Variants in THTPA observed in about 807,000 individuals in gnomAD.
THTPA encodes the protein thiamine-triphosphatase.
In THTPA, 16 loss-of-function variants were observed where a neutral mutation model predicts 16.5. That is an observed-to-expected ratio of 0.97 (90% CI 0.66 to 1.47). The LOEUF is 1.47. Among genes scored for constraint, THTPA ranks in the 40% most tolerant of loss-of-function variants. The pLI, the probability that THTPA is intolerant of heterozygous loss-of-function variation, is 0.00. For missense variants in THTPA, 281 were observed against 280.9 expected (o/e 1.00, Z 0.00); for synonymous variants, 110 against 115.5 (o/e 0.95, Z 0.30).
At chr14:23,530,361 GAAGA>G in the THTPA span, 1 of 703,598 alleles carries the variant, frequency 1.4e-6, no homozygotes, top group Non-Finnish European at 2.6e-6. Context: ...CACCCACACA[GAAGA>G]TAGAGGGAAA....
chr14:23,522,677 G>C, the THTPA span: 1 of 1,536,568 alleles, frequency 6.5e-7, no homozygotes. Flanking sequence ...TGGGACAGTG[G>C]TCTTCAATGC....
the THTPA span, chr14:23,532,847 C>T: frequency 1.3e-6 from 2 of 1,536,244 alleles, no homozygotes; most frequent in African/African-American, 2.7e-5. Context: ...GCAAAGCTTG[C>T]AGCGGTGGGT....
the THTPA span, among the ~76,000 whole-genome samples, chr14:23,535,844 G>A: frequency 6.0e-3 from 914 of 152,126 alleles, 7 homozygotes; most frequent in African/African-American, 0.021. This position sits in a 1 kb window ranked among gnomAD's most constrained non-coding sequence, Gnocchi z 4.5. Context: ...CGCCCACCTC[G>A]GCCTCCCAAA....
chr14:23,556,441 A>T lies in THTPA; in HGVS notation c.-317A>T. Reference sequence around the variant, plus strand: ...CCTCCTGGGGTGGCAAGGTGTAGAGAGGGGGGCGTTGAAAGGACACCCGCT... The same window carrying T: ...CCTCCTGGGGTGGCAAGGTGTAGAGTGGGGGGCGTTGAAAGGACACCCGCT... On this transcript the variant is annotated 5_prime_UTR_variant, in exon 1 of 2. Transcript: ENST00000288014. 1 of 310,500 alleles carries T rather than the reference A, an allele frequency of 3.2e-6. No individual in the cohort carries two copies. The allele number at this position is 310,500 out of a possible 1,614,324, so 19.2% of individuals were successfully genotyped here. A position where few individuals can be genotyped will look rare whatever the true frequency, so the allele number is the denominator to read the frequency against.
chr14:23,546,119 GCA>G, the THTPA span, among the ~76,000 whole-genome samples: 26 of 152,320 alleles, frequency 1.7e-4, no homozygotes, highest in African/African-American at 6.0e-4. This position sits in a 1 kb window ranked among gnomAD's most constrained non-coding sequence, Gnocchi z 4.7. Context: ...CACTGACTTT[GCA>G]CATCAACGTG....
chr14:23,524,867 C>G, the THTPA span: 1 of 1,536,634 alleles, frequency 6.5e-7, no homozygotes, highest in Non-Finnish European at 8.7e-7. The surrounding 1 kb of genome is among the most constrained non-coding windows in gnomAD (Gnocchi z 5.6). Context: ...GTCATCATAG[C>G]ACTTCTTGAG....
upstream of THTPA, among the ~76,000 whole-genome samples, chr14:23,553,290 A>C (rs779374537): frequency 2.0e-5 from 3 of 152,214 alleles, no homozygotes; most frequent in Non-Finnish European, 4.4e-5. Context: ...GAGGCAGGCC[A>C]CATTTTCTCA....
chr14:23,532,635 T>G, the THTPA span: 7 of 1,468,718 alleles, frequency 4.8e-6, no homozygotes, highest in Non-Finnish European at 6.3e-6. Context: ...TCCTTGCTGT[T>G]GGACTCAAAG....
chr14:23,522,909 C>G, the THTPA span: 1 of 1,462,882 alleles, frequency 6.8e-7, no homozygotes, highest in Non-Finnish European at 9.0e-7. Context: ...ACCGAAGTGG[C>G]GAGGCCGAGG....
chr14:23,534,621 G>A, the THTPA span: 4 of 1,536,040 alleles, frequency 2.6e-6, no homozygotes, highest in Non-Finnish European at 2.6e-6. This position sits in a 1 kb window ranked among gnomAD's most constrained non-coding sequence, Gnocchi z 4.5. Flanking sequence ...AGAGCCAGAA[G>A]ACCGCCACGT....
At chr14:23,526,962 T>A in the THTPA span, 1 of 1,520,876 alleles carries the variant, frequency 6.6e-7, no homozygotes, top group African/African-American at 1.4e-5. Context: ...ATGTCATTTC[T>A]ACAGTTGTAG....
the THTPA span, chr14:23,530,429 TTCCTG>T: frequency 2.9e-6 from 2 of 680,128 alleles, no homozygotes; most frequent in East Asian, 5.7e-5. Context: ...AAGAGTCCAG[TTCCTG>T]TCCTTTTATA....
At chr14:23,552,151 T>C (rs981643333), upstream of THTPA, among the ~76,000 whole-genome samples, 2 of 152,094 alleles carry the variant, frequency 1.3e-5, no homozygotes, top group African/African-American at 4.8e-5. Context: ...TACTAGAACC[T>C]TCTCTACCGC....
chr14:23,543,676 A>T, the THTPA span: 4 of 152,308 alleles, frequency 2.6e-5, no homozygotes, highest in Non-Finnish European at 5.9e-5. Flanking sequence ...AGGGAGTGGG[A>T]ACAGGAGGGA....
At chr14:23,529,813 A>C in the THTPA span, 2 of 1,521,536 alleles carry the variant, frequency 1.3e-6, no homozygotes, top group Non-Finnish European at 1.8e-6. Context: ...GACAGCCCTC[A>C]AGATGATTTG....
the THTPA span, chr14:23,521,018 G>A: frequency 7.3e-5 from 11 of 151,482 alleles, no homozygotes; most frequent in African/African-American, 2.4e-4. Flanking sequence ...TTTTTTGAAA[G>A]AACTTTGGAT....
At chr14:23,526,490 T>G in the THTPA span, 3 of 1,536,036 alleles carry the variant, frequency 2.0e-6, no homozygotes, top group Admixed American at 3.9e-5. Context: ...AGTGGTCCCC[T>G]CTTCCTCCTC....
chr14:23,546,547 G>A, the THTPA span, among the ~76,000 whole-genome samples: 1 of 152,064 alleles, frequency 6.6e-6, no homozygotes, highest in Non-Finnish European at 1.5e-5. The surrounding 1 kb of genome is among the most constrained non-coding windows in gnomAD (Gnocchi z 4.7). Context: ...AAGCCACTGA[G>A]AGCCCATGGG....
the THTPA span, among the ~76,000 whole-genome samples, chr14:23,512,263 C>T: frequency 7.9e-5 from 12 of 151,934 alleles, no homozygotes; most frequent in African/African-American, 2.2e-4. Flanking sequence ...GATGGCTGTG[C>T]GGTGGCTGGC....
Sources: allele counts gnomAD v4.1 joint callset (sites outside exome capture counted in the v4.1 genomes callset), GRCh38; gene constraint gnomAD v4.1.1; non-coding constraint Gnocchi (gnomAD v3.1); transcripts MANE v1.5; gene names NCBI Gene and HGNC (gene_info 2026-07-23, HGNC 2026-07-21).